FAM114A2: variants seen among roughly 807,000 people sequenced by gnomAD.
FAM114A2 encodes protein FAM114A2.
A neutral mutation model predicts 58.4 loss-of-function variants in FAM114A2; 53 were observed. That is an observed-to-expected ratio of 0.91 (90% confidence interval 0.73 to 1.14). FAM114A2 has a LOEUF of 1.14. FAM114A2 is among the 50% of genes most tolerant of loss of function. The pLI is 0.00. For missense variants in FAM114A2, 601 were observed against 581.1 expected (o/e 1.03, Z -0.35); for synonymous variants, 228 against 211.4 (o/e 1.08, Z -0.68).
At chr5:153,997,959 A>ATTTGT in intron 11 of FAM114A2, 84 bp from the exon 12 acceptor site, 3 of 816,144 alleles carry the variant, frequency 3.7e-6, no homozygotes, top group Non-Finnish European at 6.1e-6. Context: ...AAGAGAACAA[A>ATTTGT]TCACTTCTGG....
intron 8 of FAM114A2, among the ~76,000 whole-genome samples, chr5:154,018,290 G>A (rs902839382): frequency 1.3e-5 from 2 of 151,970 alleles, no homozygotes; most frequent in African/African-American, 2.4e-5. Context: ...ACCTGTATGC[G>A]CATAAACTAG....
intron 4 of FAM114A2, among the ~76,000 whole-genome samples, chr5:154,031,599 T>C (rs192792367): frequency 1.1e-4 from 17 of 152,308 alleles, no homozygotes; most frequent in Non-Finnish European, 1.5e-4. Flanking sequence ...TTTTGGAAAG[T>C]TCTCCCTGTT....
rs543875792 is a variant in FAM114A2 at position 153,991,995 on chromosome 5, T to C, written c.*981A>G. ...GTTATATCAAAAACATGCTAAAGAA[T>C]ACATTAAAACAAACAAAAAGGAAAG... On this transcript the variant is annotated 3_prime_UTR_variant, in exon 14 of 14. Transcript: ENST00000351797. 1 of 152,136 alleles carries C rather than the reference T, an allele frequency of 6.6e-6. No individual in the cohort carries two copies. The highest frequency in any genetic ancestry group is 2.1e-4 in the South Asian group (1 of 4,826). 9.4% of individuals were successfully genotyped at this position (152,136 alleles called of 1,614,324 possible). A position where few individuals can be genotyped will look rare whatever the true frequency, so the allele number is the denominator to read the frequency against.
chr5:154,001,481 A>T (rs1769967688), intron 11 of FAM114A2, among the ~76,000 whole-genome samples: 3 of 152,186 alleles, frequency 2.0e-5, no homozygotes, highest in Admixed American at 2.0e-4. Context: ...TCAAGAAGAC[A>T]AATTAGCCCC....
At chr5:154,022,999 A>T (rs1001771066) in intron 8 of FAM114A2, among the ~76,000 whole-genome samples, 7 of 152,216 alleles carry the variant, frequency 4.6e-5, no homozygotes, top group African/African-American at 1.4e-4. Context: ...ACATGGATGA[A>T]GCTGGAAACC....
chr5:154,028,383 C>G, intron 5 of FAM114A2, 100 bp from the exon 6 acceptor site: 3 of 779,910 alleles, frequency 3.8e-6, no homozygotes, highest in Non-Finnish European at 5.9e-6. Context: ...GCTAACAATA[C>G]CAAGCACTGG....
At chr5:154,037,172 A>C (rs929804146) in intron 1 of FAM114A2, 1 of 152,262 alleles carries the variant, frequency 6.6e-6, no homozygotes, top group African/African-American at 2.4e-5. Context: ...CAAAGGCCTG[A>C]GGTCTGACAG....
At chr5:153,994,041 T>C (rs996600100) in intron 13 of FAM114A2, among the ~76,000 whole-genome samples, 1 of 152,176 alleles carries the variant, frequency 6.6e-6, no homozygotes, top group Non-Finnish European at 1.5e-5. Context: ...AAGTCTTTTC[T>C]ACTGCACCAC....
At chr5:154,022,836 C>T (rs1324171848) in intron 8 of FAM114A2, among the ~76,000 whole-genome samples, 9 of 152,182 alleles carry the variant, frequency 5.9e-5, no homozygotes, top group Admixed American at 5.9e-4. Context: ...CACATGCACA[C>T]ATATGTTTAT....
At position 154,023,199 on chromosome 5, in the gene FAM114A2, T is replaced by A. The variant is rs542958899; in HGVS notation, c.913+3200A>T. 7.9e-5 allele frequency among the ~76,000 whole-genome samples: 12 copies of A among 152,294 alleles called. No individual in the cohort carries two copies. In the South Asian group the frequency reaches 1.9e-3, roughly 24 times the overall value. On this transcript the variant is annotated intron_variant, in intron 8 of 13. Transcript: ENST00000351797. ...GTGCCTAACATAAATGATGAGTTGA[T>A]GGGTGCAGCAAACCAACACGGCACA...
chr5:154,022,025 C>G (rs1278840967), intron 8 of FAM114A2, among the ~76,000 whole-genome samples: 1 of 152,094 alleles, frequency 6.6e-6, no homozygotes, highest in South Asian at 2.1e-4. Context: ...ACAAACCTGA[C>G]CAAAACAAGC....
intron 9 of FAM114A2, among the ~76,000 whole-genome samples, chr5:154,004,036 T>G (rs897733990): frequency 6.6e-6 from 1 of 152,112 alleles, no homozygotes; most frequent in African/African-American, 2.4e-5. Context: ...ACAGGAGCAA[T>G]AGGTTAAACG....
chr5:154,003,465 CA>C (rs1312825853), intron 9 of FAM114A2, among the ~76,000 whole-genome samples: 1 of 152,182 alleles, frequency 6.6e-6, no homozygotes, highest in Non-Finnish European at 1.5e-5. Flanking sequence ...AGGCATGAGC[CA>C]CTGCGCCCGG....
chr5:154,034,856 A>G lies in FAM114A2; in HGVS notation c.98T>C (p.Val33Ala), dbSNP rs369429224. ...NCEPAKNSES[V>A]DQGAKPESKS... Reference sequence around the variant, plus strand: ...ACTCTCTGGTTTGGCACCTTGGTCAACAGACTCAGAATTCTTGGCTGGCTC... The same window carrying G: ...ACTCTCTGGTTTGGCACCTTGGTCAGCAGACTCAGAATTCTTGGCTGGCTC... Residue 33 changes from valine to alanine, a missense_variant, in exon 2 of 14, where the codon GTT becomes GCT. Val to Ala is a moderately conservative substitution (Grantham distance 64). Transcript: ENST00000351797. 6.2e-7 allele frequency: 1 copy of G among 1,614,072 alleles called. No homozygotes were observed. The highest frequency in any genetic ancestry group is 1.6e-4 in the Middle Eastern group (1 of 6,062).
chr5:154,022,107 C>T (rs549188501), intron 8 of FAM114A2, among the ~76,000 whole-genome samples: 2 of 152,286 alleles, frequency 1.3e-5, no homozygotes, highest in Admixed American at 1.3e-4. Flanking sequence ...AAAGCTGAAA[C>T]TGGATCCCTT....
At chr5:154,020,881 A>C (rs941759535) in intron 8 of FAM114A2, among the ~76,000 whole-genome samples, 1 of 152,160 alleles carries the variant, frequency 6.6e-6, no homozygotes, top group South Asian at 2.1e-4. Flanking sequence ...GATGAACATC[A>C]ATGCAAAAAT....
At chr5:153,996,765 C>T (rs1454698029) in intron 12 of FAM114A2, among the ~76,000 whole-genome samples, 7 of 151,674 alleles carry the variant, frequency 4.6e-5, no homozygotes, top group South Asian at 4.2e-4. Flanking sequence ...GGGAGGCCAA[C>T]GCAGGTGGAT....
At chr5:154,033,339 C>A (rs892160471) in intron 4 of FAM114A2, among the ~76,000 whole-genome samples, 3 of 152,156 alleles carry the variant, frequency 2.0e-5, no homozygotes, top group African/African-American at 7.2e-5. Context: ...TCTGTCTGAT[C>A]AAGGCTAGCC....
intron 3 of FAM114A2, 100 bp from the exon 4 acceptor site, chr5:154,033,983 CATGTTATTTTGACA>C (rs1175419847): frequency 2.6e-6 from 2 of 761,800 alleles, no homozygotes; most frequent in African/African-American, 3.6e-5. Context: ...GACCACAAGA[CATGTTATTTTGACA>C]ATACATAACT....
Sources: gnomAD v4.1 joint callset for allele counts (sites outside exome capture counted in the v4.1 genomes callset) on GRCh38, gnomAD v4.1.1 for gene constraint, MANE v1.5 for transcripts, NCBI Gene and HGNC (gene_info 2026-07-23, HGNC 2026-07-21) for gene names.